XCR1: variants seen among roughly 807,000 people sequenced by gnomAD.
The protein encoded by XCR1 is chemokine XC receptor 1.
For synonymous variants in XCR1, 187 were observed against 188.5 expected, an observed-to-expected ratio of 0.99 and a Z score of 0.06; for missense variants, 356 against 424.2, an observed-to-expected ratio of 0.84 and a Z score of 1.41.
At chr3:46,065,645 A>C (rs1698055630) in intron 4 of XCR1, among the ~76,000 whole-genome samples, 1 of 152,164 alleles carries the variant, frequency 6.6e-6, no homozygotes. Context: ...GGGGAAATGC[A>C]GGTGGTGGCC....
At position 46,021,050 on chromosome 3, in the gene XCR1, G is replaced by A; in HGVS notation, c.898C>T (p.His300Tyr). 6.2e-7 allele frequency: 1 copy of A among 1,614,156 alleles called. No individual in the cohort carries two copies. Among genetic ancestry groups the A allele is most frequent in the Non-Finnish European group, 8.5e-7 (1 of 1,180,002 alleles). The change falls in exon 2 of 2, where the codon CAT becomes TAT. Residue 300 changes from histidine (H) to tyrosine (Y), a missense_variant. Physicochemically the swap from His to Tyr is moderately conservative, Grantham distance 83. Transcript: ENST00000309285. The surrounding 1 kb of genome is among the most constrained non-coding windows in gnomAD (Gnocchi z 4.7). Reference protein sequence around the residue: ...VGVKFRTHLKHVLRQFWFCRL... With the variant: ...VGVKFRTHLKYVLRQFWFCRL... ...CAGAACCAGAACTGCCGGAGAACAT[G>A]TTTCAGGTGTGTGCGGAACTTGACC...
At chr3:46,074,240 T>TTTTTTTTTTTTTTA (rs1698214831) in intron 3 of XCR1, among the ~76,000 whole-genome samples, 1 of 129,870 alleles carries the variant, frequency 7.7e-6, no homozygotes, top group East Asian at 2.1e-4. Context: ...TTTTTTTTTT[T>TTTTTTTTTTTTTTA]GAGACAGGGT....
At chr3:46,073,894 C>T (rs1348889265) in intron 3 of XCR1, among the ~76,000 whole-genome samples, 1 of 150,508 alleles carries the variant, frequency 6.6e-6, no homozygotes, top group African/African-American at 2.5e-5. Flanking sequence ...TTACACCAAT[C>T]AGAATGGCAA....
chr3:46,034,524 G>C (rs1294648228), intron 5 of XCR1, among the ~76,000 whole-genome samples: 1 of 151,836 alleles, frequency 6.6e-6, no homozygotes, highest in Non-Finnish European at 1.5e-5. Flanking sequence ...GGACATCCTT[G>C]ACGTGCTCCT....
At chr3:46,038,085 T>C (rs1697470244) in intron 5 of XCR1, among the ~76,000 whole-genome samples, 1 of 148,596 alleles carries the variant, frequency 6.7e-6, no homozygotes, top group Non-Finnish European at 1.5e-5. Flanking sequence ...TGGAGTGCAA[T>C]GGTGCAATCT....
intron 5 of XCR1, among the ~76,000 whole-genome samples, chr3:46,037,638 A>G (rs915908831): frequency 2.0e-5 from 3 of 152,218 alleles, no homozygotes; most frequent in Admixed American, 6.5e-5. Flanking sequence ...AGAAAGTTGA[A>G]AAAGTTTAGA....
At chr3:46,057,890 A>ATCTG (rs879574071) in intron 4 of XCR1, among the ~76,000 whole-genome samples, 17,200 of 122,246 alleles carry the variant, frequency 0.14, 1,365 homozygotes, top group African/African-American at 0.25. Context: ...CTGTCTATCT[A>ATCTG]TCTATCTATC....
At chr3:46,078,793 C>G (rs1246084063) in intron 1 of XCR1, among the ~76,000 whole-genome samples, 1 of 152,176 alleles carries the variant, frequency 6.6e-6, no homozygotes. Context: ...TTGGAGTGCT[C>G]TAGGTGACTG....
At position 46,021,944 on chromosome 3, in the gene XCR1, C is replaced by T. The variant is rs1318953736; in HGVS notation, c.4G>A (p.Glu2Lys). The change falls in exon 2 of 2, where the codon GAG (glutamate) becomes AAG (lysine). Residue 2 changes from glutamate to lysine, a missense_variant. By Grantham distance (56) the Glu-to-Lys change is moderately conservative. Transcript: ENST00000309285. This position sits in a 1 kb window ranked among gnomAD's most constrained non-coding sequence, Gnocchi z 4.7. MESSGNPESTTF... is the reference protein window; with the variant it reads MKSSGNPESTTF... ...GTGCTCTCTGGGTTGCCTGAGGACTCCATCTGGACCAGATGGCAGGGACGT... is the reference window on the plus strand; with the variant it reads ...GTGCTCTCTGGGTTGCCTGAGGACTTCATCTGGACCAGATGGCAGGGACGT... 1 of 1,607,062 alleles carries T rather than the reference C, an allele frequency of 6.2e-7. No homozygotes were observed. Among genetic ancestry groups the T allele is most frequent in the South Asian group, 1.1e-5 (1 of 89,862 alleles).
At chr3:46,022,545 A>G (rs1433911462) in intron 1 of XCR1, among the ~76,000 whole-genome samples, 1 of 152,250 alleles carries the variant, frequency 6.6e-6, no homozygotes, top group East Asian at 1.9e-4. Context: ...GCTGTGCTGA[A>G]TTACAAAAGG....
At chr3:46,030,527 T>C (rs1033799875), upstream of XCR1, among the ~76,000 whole-genome samples, 3 of 152,266 alleles carry the variant, frequency 2.0e-5, no homozygotes, top group Admixed American at 1.3e-4. Flanking sequence ...CTATACACTA[T>C]GTATAAAAAA....
chr3:46,038,110 C>A (rs1022103786), intron 5 of XCR1, among the ~76,000 whole-genome samples: 26 of 149,306 alleles, frequency 1.7e-4, no homozygotes, highest in Middle Eastern at 7.1e-3. Context: ...TCACTGCAAA[C>A]TCTGCCTCCC....
At chr3:46,025,781 G>A (rs918673167) in intron 1 of XCR1, among the ~76,000 whole-genome samples, 1 of 152,002 alleles carries the variant, frequency 6.6e-6, no homozygotes, top group African/African-American at 2.4e-5. Context: ...CAAACTATAA[G>A]AAATAGAAAT....
At chr3:46,051,427 C>T (rs920487750) in intron 5 of XCR1, among the ~76,000 whole-genome samples, 27 of 152,300 alleles carry the variant, frequency 1.8e-4, no homozygotes, top group African/African-American at 6.5e-4. Context: ...TGTTCTTGCT[C>T]CCACTAAGGA....
upstream of XCR1, among the ~76,000 whole-genome samples, chr3:46,029,375 T>C (rs1460255772): frequency 6.6e-6 from 1 of 152,126 alleles, no homozygotes; most frequent in East Asian, 1.9e-4. Context: ...GGCTAATTTT[T>C]ATAGAGACAG....
chr3:46,057,865 T>C (rs1697879635), intron 4 of XCR1, among the ~76,000 whole-genome samples: 1 of 151,786 alleles, frequency 6.6e-6, no homozygotes, highest in Non-Finnish European at 1.5e-5. Context: ...TAGTACCTAT[T>C]ATCATCTTAT....
intron 5 of XCR1, among the ~76,000 whole-genome samples, chr3:46,041,531 A>G (rs2125897719): frequency 6.6e-6 from 1 of 152,286 alleles, no homozygotes; most frequent in Non-Finnish European, 1.5e-5. Context: ...AGACCTTCCC[A>G]CGAAGCCCCT....
chr3:46,020,868 C>G lies in XCR1; in HGVS notation c.*78G>C. 6.6e-7 allele frequency: 1 copy of G among 1,523,036 alleles called. No homozygotes were observed. The highest frequency in any genetic ancestry group is 8.8e-7 in the Non-Finnish European group (1 of 1,138,256). The allele number at this position is 1,523,036 out of a possible 1,614,324, so 94.3% of individuals were successfully genotyped here. On this transcript the variant is annotated 3_prime_UTR_variant, in exon 2 of 2. Coordinates refer to ENST00000309285, the MANE Select transcript of XCR1 (RefSeq NM_001024644.2). ...CCACCCTGCTGTGTTCTGCAATGCTCCTTCCAGGCCCGCTTCTCCATGACC... is the reference window on the plus strand; with the variant it reads ...CCACCCTGCTGTGTTCTGCAATGCTGCTTCCAGGCCCGCTTCTCCATGACC...
chr3:46,048,526 G>A (rs939100647), intron 5 of XCR1, among the ~76,000 whole-genome samples: 4 of 152,064 alleles, frequency 2.6e-5, no homozygotes, highest in Admixed American at 6.5e-5. Flanking sequence ...GGCTCGTACC[G>A]GAGGGACTGG....
Sources: gnomAD v4.1 joint callset for allele counts (sites outside exome capture counted in the v4.1 genomes callset) on GRCh38, gnomAD v4.1.1 for gene constraint, Gnocchi (gnomAD v3.1) non-coding constraint, MANE v1.5 for transcripts, NCBI Gene and HGNC (gene_info 2026-07-23, HGNC 2026-07-21) for gene names.